The following FOXO1 variants were observed in gnomAD, a reference collection of about 807,000 sequenced individuals.
FOXO1 encodes the protein forkhead box protein O1.
A neutral mutation model predicts 44.1 loss-of-function variants in FOXO1; 6 were observed. The observed-to-expected ratio is 0.14, with a 90% CI of 0.07 to 0.27. FOXO1 has a LOEUF of 0.27. Among genes scored for constraint, FOXO1 ranks in the 10% least tolerant of loss-of-function variants. FOXO1 has a pLI of 1.00. For missense variants in FOXO1, 737 were observed against 888.8 expected (o/e 0.83, Z 2.17); for synonymous variants, 380 against 362.7 (o/e 1.05, Z -0.54).
At chr13:40,605,829 G>T (rs1387167781) in intron 1 of FOXO1, among the ~76,000 whole-genome samples, 1 of 152,056 alleles carries the variant, frequency 6.6e-6, no homozygotes, top group Non-Finnish European at 1.5e-5. Flanking sequence ...TGTGAAAGAA[G>T]GCCACAAATT....
At chr13:40,591,165 C>T (rs1875355658) in intron 1 of FOXO1, among the ~76,000 whole-genome samples, 1 of 152,024 alleles carries the variant, frequency 6.6e-6, no homozygotes, top group Non-Finnish European at 1.5e-5. Context: ...ATAAAAGAGA[C>T]TCTTCCTGCC....
At chr13:40,651,630 T>G (rs931528054) in intron 1 of FOXO1, among the ~76,000 whole-genome samples, 1 of 151,948 alleles carries the variant, frequency 6.6e-6, no homozygotes, top group African/African-American at 2.4e-5. Flanking sequence ...CAGAAAGACT[T>G]CATGTTAATA....
chr13:40,573,709 C>A (rs982556282), intron 1 of FOXO1, among the ~76,000 whole-genome samples: 1 of 152,068 alleles, frequency 6.6e-6, no homozygotes, highest in African/African-American at 2.4e-5. Context: ...AAACGACAAA[C>A]AAACAAACAA....
chr13:40,575,319 T>C (rs1307810233), intron 1 of FOXO1, among the ~76,000 whole-genome samples: 2 of 151,872 alleles, frequency 1.3e-5, no homozygotes, highest in African/African-American at 4.8e-5. Flanking sequence ...CTAGCCTGGG[T>C]GACAAAAATA....
At chr13:40,662,750 C>T (rs999890530) in intron 1 of FOXO1, among the ~76,000 whole-genome samples, 6 of 152,204 alleles carry the variant, frequency 3.9e-5, no homozygotes, top group African/African-American at 1.4e-4. Flanking sequence ...CAGCCTAATT[C>T]CCAGTAGTAA....
chr13:40,581,183 A>G (rs921313842), intron 1 of FOXO1, among the ~76,000 whole-genome samples: 2 of 152,070 alleles, frequency 1.3e-5, no homozygotes, highest in African/African-American at 4.8e-5. Context: ...TGATCCCTTA[A>G]CCCCCTTTTT....
chr13:40,654,255 G>A (rs9577093), intron 1 of FOXO1, among the ~76,000 whole-genome samples: 60,815 of 147,090 alleles, frequency 0.41, 13,821 homozygotes, highest in East Asian at 0.75. Flanking sequence ...AGGTGGGCAG[G>A]TCACAAGGTC....
chr13:40,615,354 T>C (rs1053660230), intron 1 of FOXO1, among the ~76,000 whole-genome samples: 10 of 152,062 alleles, frequency 6.6e-5, no homozygotes, highest in African/African-American at 2.4e-4. Context: ...CTGGCCAACA[T>C]GGTGAAACCC....
intron 1 of FOXO1, among the ~76,000 whole-genome samples, chr13:40,653,412 G>C (rs1174265755): frequency 6.6e-6 from 1 of 152,060 alleles, no homozygotes; most frequent in African/African-American, 2.4e-5. Flanking sequence ...TGCATGGCAG[G>C]CTTCTGAGCC....
In FOXO1 at chr13:40,657,069, G is replaced by A. The variant is rs912618886; in HGVS notation, c.630+8514C>T. Among the ~76,000 whole-genome samples the A allele has an allele frequency of 3.9e-5, 6 of 151,996 alleles. 1 individual carries two copies. Among genetic ancestry groups the A allele is most frequent in the Non-Finnish European group, 7.4e-5 (5 of 68,010 alleles). The stretch of plus-strand genomic sequence containing the variant: ...AGGATGGTCTCAATCTCCTGACTTC[G>A]CACTCAGAGAAACTGATGCTTCCCA... On this transcript the variant is annotated intron_variant, in intron 1 of 2. Transcript: ENST00000379561.
At chr13:40,664,831 CCGCCCG>C (rs1347186845) in intron 1 of FOXO1, among the ~76,000 whole-genome samples, 28 of 137,074 alleles carry the variant, frequency 2.0e-4, no homozygotes, top group East Asian at 2.5e-4. Flanking sequence ...GCCACCGCCA[CCGCCCG>C]CGCCCGCCCC....
At chr13:40,646,737 A>G (rs1346095997) in intron 1 of FOXO1, among the ~76,000 whole-genome samples, 2 of 151,990 alleles carry the variant, frequency 1.3e-5, no homozygotes, top group Non-Finnish European at 2.9e-5. Context: ...GGGATTACAG[A>G]CATGTGCCAC....
intron 1 of FOXO1, among the ~76,000 whole-genome samples, chr13:40,566,837 T>C (rs966221674): frequency 1.3e-5 from 2 of 152,222 alleles, no homozygotes; most frequent in Non-Finnish European, 2.9e-5. Context: ...AGTCAGTCTA[T>C]CACGGTAGTC....
chr13:40,657,283 G>A (rs371695387), intron 1 of FOXO1, among the ~76,000 whole-genome samples: 17 of 150,860 alleles, frequency 1.1e-4, no homozygotes, highest in East Asian at 3.9e-4. Context: ...TTTTCATAGC[G>A]AAATCGTAAG....
chr13:40,607,382 T>C (rs1299142011), intron 1 of FOXO1, among the ~76,000 whole-genome samples: 1 of 152,206 alleles, frequency 6.6e-6, no homozygotes, highest in Non-Finnish European at 1.5e-5. Flanking sequence ...GCAATAAATA[T>C]AAGCACCAGA....
intron 1 of FOXO1, chr13:40,620,544 T>A: frequency 2.3e-6 from 1 of 435,974 alleles, no homozygotes; most frequent in South Asian, 2.7e-5. Context: ...GAAGCTCTGG[T>A]TCTCCAAGTC....
At chr13:40,656,427 T>G (rs1454015172) in intron 1 of FOXO1, among the ~76,000 whole-genome samples, 1 of 152,228 alleles carries the variant, frequency 6.6e-6, no homozygotes, top group Non-Finnish European at 1.5e-5. Flanking sequence ...TCTTTCTTTC[T>G]TTGAATCACT....
chr13:40,565,750 A>C (rs2137830273), intron 1 of FOXO1, among the ~76,000 whole-genome samples: 1 of 152,328 alleles, frequency 6.6e-6, no homozygotes, highest in South Asian at 2.1e-4. Context: ...GCTTACCTTA[A>C]TCTCTATTAG....
intron 1 of FOXO1, among the ~76,000 whole-genome samples, chr13:40,614,029 A>G (rs2137893847): frequency 6.6e-6 from 1 of 152,318 alleles, no homozygotes; most frequent in South Asian, 2.1e-4. Context: ...CATGCAACAC[A>G]GTGGTTTCCA....
Sources: gnomAD v4.1 joint callset for allele counts (sites outside exome capture counted in the v4.1 genomes callset) on GRCh38, gnomAD v4.1.1 for gene constraint, MANE v1.5 for transcripts, NCBI Gene and HGNC (gene_info 2026-07-23, HGNC 2026-07-21) for gene names.